Variants in PRELID2 observed in about 807,000 individuals in gnomAD.
The protein encoded by PRELID2 is PRELI domain containing 2.
Under a neutral mutation model 28.4 loss-of-function variants are expected in PRELID2, and 25 were observed. The observed-to-expected ratio is 0.88, with a 90% confidence interval of 0.64 to 1.23. The LOEUF (loss-of-function observed/expected upper bound fraction) is 1.23, where lower values mean the gene tolerates loss of function less well. Ranked by LOEUF, PRELID2 falls within the 50% of genes most tolerant of loss-of-function variation. The pLI is 0.00. For missense variants in PRELID2, 201 were observed against 214.4 expected (o/e 0.94, Z 0.39); for synonymous variants, 76 against 71.6 (o/e 1.06, Z -0.31).
At chr5:145,389,102 T>C in the PRELID2 span, among the ~76,000 whole-genome samples, 216 of 152,314 alleles carry the variant, frequency 1.4e-3, no homozygotes, top group African/African-American at 5.1e-3. Context: ...CTTGTACTAC[T>C]TGCTGATTAT....
At chr5:145,277,021 T>C in the PRELID2 span, among the ~76,000 whole-genome samples, 2 of 152,036 alleles carry the variant, frequency 1.3e-5, no homozygotes, top group African/African-American at 4.8e-5. Flanking sequence ...ATGCCTGTTC[T>C]GATTTTTATG....
chr5:145,357,905 C>T, the PRELID2 span, among the ~76,000 whole-genome samples: 5 of 143,442 alleles, frequency 3.5e-5, no homozygotes, highest in Admixed American at 3.6e-4. Context: ...AGTTGCTGTC[C>T]CTTGGATTTT....
At chr5:145,414,244 T>C in the PRELID2 span, among the ~76,000 whole-genome samples, 43 of 152,302 alleles carry the variant, frequency 2.8e-4, no homozygotes, top group African/African-American at 9.9e-4. Flanking sequence ...ATTCAAAATC[T>C]CTGGCCACAT....
intron 1 of PRELID2, among the ~76,000 whole-genome samples, chr5:145,640,396 A>C (rs1754081938): frequency 6.6e-6 from 1 of 151,282 alleles, no homozygotes; most frequent in Non-Finnish European, 1.5e-5. Context: ...GAATGGCGTG[A>C]ACCCGGGAGG....
intron 1 of PRELID2, among the ~76,000 whole-genome samples, chr5:145,561,953 T>C (rs936246748): frequency 2.6e-5 from 4 of 151,702 alleles, no homozygotes; most frequent in Admixed American, 2.6e-4. Context: ...CACTAATGGG[T>C]ATAGGTTTTC....
chr5:145,668,856 A>T (rs1561538560), intron 1 of PRELID2, among the ~76,000 whole-genome samples: 1 of 152,168 alleles, frequency 6.6e-6, no homozygotes, highest in Non-Finnish European at 1.5e-5. Flanking sequence ...TTAGAGGCAG[A>T]GTGAGCCCTG....
chr5:145,803,108 T>C lies in PRELID2; in HGVS notation c.369-6561A>G, dbSNP rs3910200. On this transcript the variant is annotated intron_variant, in intron 4 of 6. Coordinates refer to ENST00000683046, the MANE Select transcript of PRELID2 (RefSeq NM_205846.3). ...GTTGTGATGACCTCAGTTCTAATCA[T>C]GTTTTTAGCATTCTCCTGTAAGCAC... is the stretch of plus-strand genomic sequence containing the variant. 5.5e-3 allele frequency among the ~76,000 whole-genome samples: 831 copies of C among 152,268 alleles called. 5 individuals are homozygous for C. Among genetic ancestry groups the C allele is most frequent in the African/African-American group, 0.019 (783 of 41,548 alleles).
At chr5:145,601,917 A>G (rs1009121952) in intron 1 of PRELID2, among the ~76,000 whole-genome samples, 2 of 152,232 alleles carry the variant, frequency 1.3e-5, no homozygotes, top group Non-Finnish European at 2.9e-5. Flanking sequence ...CATTCCTACT[A>G]TGAAACTTTG....
At chr5:145,232,969 G>GTATATA in the PRELID2 span, among the ~76,000 whole-genome samples, 1 of 148,212 alleles carries the variant, frequency 6.7e-6, no homozygotes, top group Non-Finnish European at 1.5e-5. Context: ...ATGTATGTAT[G>GTATATA]TATATATATA....
intron 1 of PRELID2, among the ~76,000 whole-genome samples, chr5:145,743,638 T>C (rs1331895507): frequency 2.0e-5 from 3 of 151,940 alleles, no homozygotes; most frequent in African/African-American, 4.8e-5. Context: ...GTGAGCGTGC[T>C]ACCCAGCGTG....
chr5:145,510,474 T>G (rs576284682), intron 1 of PRELID2, among the ~76,000 whole-genome samples: 2 of 152,206 alleles, frequency 1.3e-5, no homozygotes, highest in African/African-American at 4.8e-5. Flanking sequence ...GGAGGCATTC[T>G]TGCCTGGATC....
intron 5 of PRELID2, among the ~76,000 whole-genome samples, chr5:145,776,554 G>C (rs1028074073): frequency 1.3e-5 from 2 of 152,208 alleles, no homozygotes; most frequent in Non-Finnish European, 2.9e-5. Context: ...GAAGGAAAAA[G>C]AAATTTGTAC....
the PRELID2 span, among the ~76,000 whole-genome samples, chr5:145,319,352 G>A: frequency 1.3e-5 from 2 of 152,090 alleles, no homozygotes; most frequent in African/African-American, 4.8e-5. Context: ...CTCAAGTAAT[G>A]CATAGTTGTA....
intron 1 of PRELID2, among the ~76,000 whole-genome samples, chr5:145,483,804 C>T (rs755075864): frequency 8.5e-5 from 13 of 152,298 alleles, no homozygotes; most frequent in East Asian, 1.9e-4. Context: ...TGTCTTAAAT[C>T]GGCCGAAGTG....
chr5:145,826,549 C>T (rs1054278148), intron 1 of PRELID2, among the ~76,000 whole-genome samples: 1 of 152,192 alleles, frequency 6.6e-6, no homozygotes, highest in Admixed American at 6.5e-5. Context: ...TGTAAACTAA[C>T]TCCTTTTCCT....
At chr5:145,574,570 T>C (rs1382777573) in intron 1 of PRELID2, among the ~76,000 whole-genome samples, 3 of 152,202 alleles carry the variant, frequency 2.0e-5, no homozygotes, top group Non-Finnish European at 4.4e-5. Flanking sequence ...AAGGCAGTTT[T>C]ATAAGCTTAT....
the PRELID2 span, among the ~76,000 whole-genome samples, chr5:145,374,038 G>C: frequency 6.7e-6 from 1 of 149,814 alleles, no homozygotes; most frequent in Non-Finnish European, 1.5e-5. Flanking sequence ...ATACCATCTG[G>C]TTATTTTTCA....
At chr5:145,663,934 TTCC>T (rs1754540894) in intron 1 of PRELID2, among the ~76,000 whole-genome samples, 1 of 152,120 alleles carries the variant, frequency 6.6e-6, no homozygotes, top group Non-Finnish European at 1.5e-5. Context: ...GGGACATCTG[TTCC>T]TCAAGGCATT....
the PRELID2 span, among the ~76,000 whole-genome samples, chr5:145,279,499 C>T: frequency 1.1e-4 from 16 of 152,224 alleles, no homozygotes; most frequent in Non-Finnish European, 1.5e-4. Context: ...CAATAATAAT[C>T]GCCTCTATGT....
Sources: gnomAD v4.1 joint callset for allele counts (sites outside exome capture counted in the v4.1 genomes callset) on GRCh38, gnomAD v4.1.1 for gene constraint, MANE v1.5 for transcripts, NCBI Gene and HGNC (gene_info 2026-07-23, HGNC 2026-07-21) for gene names.